DPP10: variants seen among roughly 807,000 people sequenced by gnomAD.
DPP10 encodes inactive dipeptidyl peptidase 10.
A neutral mutation model predicts 120.9 loss-of-function variants in DPP10; 33 were observed. That is an observed-to-expected ratio of 0.27 (90% confidence interval 0.21 to 0.37). The LOEUF (loss-of-function observed/expected upper bound fraction) is 0.37. DPP10 is among the 10% of genes least tolerant of loss of function. The probability of loss-of-function intolerance (pLI) is 1.00; values close to 1 mark genes in which losing one functional copy is unlikely to be tolerated. For missense variants in DPP10, 816 were observed against 942.8 expected (o/e 0.87, Z 1.76); for synonymous variants, 337 against 326.1 (o/e 1.03, Z -0.36).
At chr2:115,589,377 A>G (rs895898550) in intron 5 of DPP10, among the ~76,000 whole-genome samples, 1 of 152,230 alleles carries the variant, frequency 6.6e-6, no homozygotes, top group African/African-American at 2.4e-5. Flanking sequence ...AGTTAAGTTC[A>G]TGTTTACCCA....
chr2:114,450,079 G>T (rs1452310868), intron 1 of DPP10, among the ~76,000 whole-genome samples: 1 of 152,096 alleles, frequency 6.6e-6, no homozygotes, highest in African/African-American at 2.4e-5. Flanking sequence ...TAGCTGCATT[G>T]ATGGTACATA....
At chr2:115,425,566 A>G (rs930891530) in intron 3 of DPP10, among the ~76,000 whole-genome samples, 6 of 152,200 alleles carry the variant, frequency 3.9e-5, no homozygotes, top group African/African-American at 1.2e-4. Flanking sequence ...AAACTAAAAA[A>G]TTAGGTAACT....
In DPP10 at chr2:114,732,245, C is replaced by T. The variant is rs80131828; in HGVS notation, c.60+289407C>T. Among the ~76,000 whole-genome samples, 749 of 152,246 alleles carry T rather than the reference C, an allele frequency of 4.9e-3. 4 individuals are homozygous for T. The highest frequency in any genetic ancestry group is 0.01 in the Middle Eastern group (3 of 294). ...TCTAGACCTCCTGAAGTTTACATTGCAGTTAAGAAAACAGGAAACTGGACA... is the reference window on the plus strand; with the variant it reads ...TCTAGACCTCCTGAAGTTTACATTGTAGTTAAGAAAACAGGAAACTGGACA... On this transcript the variant is annotated intron_variant, in intron 1 of 25. Transcript: ENST00000410059.
intron 3 of DPP10, among the ~76,000 whole-genome samples, chr2:115,423,213 G>C (rs1170050076): frequency 6.6e-6 from 1 of 151,824 alleles, no homozygotes. Context: ...ATATAAGAAT[G>C]ACCCATGATT....
intron 1 of DPP10, among the ~76,000 whole-genome samples, chr2:114,833,055 A>G (rs907677715): frequency 1.3e-5 from 2 of 152,120 alleles, no homozygotes; most frequent in African/African-American, 2.4e-5. Context: ...TTGTGAAACT[A>G]AAAAAGAAAT....
rs190249089 is a variant in DPP10 at position 115,363,509 on chromosome 2, G to A, written c.271+19597G>A. On this transcript the variant is annotated intron_variant, in intron 3 of 25. Transcript: ENST00000410059. ...AGAGAAGGAACATATCTGTGAATCA[G>A]TGTACAGTACCTGAAATGGGAAGGT... Among the ~76,000 whole-genome samples the A allele has an allele frequency of 3.7e-3, 558 of 152,288 alleles. 4 individuals are homozygous for A. Among genetic ancestry groups the A allele is most frequent in the African/African-American group, 0.012 (495 of 41,568 alleles).
chr2:114,452,560 G>C (rs184170495), intron 1 of DPP10, among the ~76,000 whole-genome samples: 3 of 152,040 alleles, frequency 2.0e-5, no homozygotes, highest in Non-Finnish European at 2.9e-5. Flanking sequence ...TTGTCCATTC[G>C]CTCCTTTAAA....
intron 10 of DPP10, among the ~76,000 whole-genome samples, 155 bp downstream of exon 10, chr2:115,746,338 G>A (rs563813284): frequency 9.9e-5 from 15 of 152,160 alleles, no homozygotes; most frequent in African/African-American, 3.1e-4. Flanking sequence ...AGTCATTCTC[G>A]GTCTCTGGCT....
intron 1 of DPP10, among the ~76,000 whole-genome samples, chr2:115,244,204 A>G (rs1052081636): frequency 1.2e-4 from 17 of 144,424 alleles, no homozygotes; most frequent in Middle Eastern, 3.5e-3. Context: ...GTCTATATAT[A>G]TATATGTGTG....
chr2:115,207,101 T>A (rs2056186459), intron 1 of DPP10, among the ~76,000 whole-genome samples: 1 of 152,214 alleles, frequency 6.6e-6, no homozygotes, highest in South Asian at 2.1e-4. Context: ...CTTTGTGTAA[T>A]TTTAACTAGA....
intron 1 of DPP10, among the ~76,000 whole-genome samples, chr2:115,005,385 G>A (rs1208010516): frequency 6.6e-6 from 1 of 152,162 alleles, no homozygotes; most frequent in Non-Finnish European, 1.5e-5. Flanking sequence ...TTGACGAGCT[G>A]AGAGAAGAAG....
intron 1 of DPP10, among the ~76,000 whole-genome samples, chr2:115,026,737 A>G (rs995840531): frequency 1.3e-5 from 2 of 151,952 alleles, no homozygotes; most frequent in African/African-American, 4.8e-5. Flanking sequence ...GGGTTTTATC[A>G]TGTTGGCCAG....
At chr2:115,106,747 CA>C (rs1344805702) in intron 1 of DPP10, among the ~76,000 whole-genome samples, 2 of 152,126 alleles carry the variant, frequency 1.3e-5, no homozygotes, top group African/African-American at 4.8e-5. Flanking sequence ...AGGCCTGAGC[CA>C]CTGCACCCAG....
chr2:114,606,280 CT>C (rs1692797014), intron 1 of DPP10, among the ~76,000 whole-genome samples: 1 of 152,040 alleles, frequency 6.6e-6, no homozygotes, highest in Admixed American at 6.6e-5. Context: ...ATTTTATGGG[CT>C]TGATCACTAG....
chr2:114,451,828 A>C (rs1430092), intron 1 of DPP10, among the ~76,000 whole-genome samples: 1 of 152,014 alleles, frequency 6.6e-6, no homozygotes, highest in South Asian at 2.1e-4. Context: ...TTGTGTCTTC[A>C]AGTAAAATAT....
intron 1 of DPP10, among the ~76,000 whole-genome samples, chr2:114,785,689 A>G (rs1682707131): frequency 6.6e-6 from 1 of 152,232 alleles, no homozygotes; most frequent in Non-Finnish European, 1.5e-5. Flanking sequence ...TGGGAGTTTA[A>G]CAATGAATAT....
At chr2:115,194,441 T>C (rs887345155) in intron 1 of DPP10, among the ~76,000 whole-genome samples, 4 of 152,174 alleles carry the variant, frequency 2.6e-5, no homozygotes, top group African/African-American at 9.6e-5. Context: ...GGATTTTTGA[T>C]AGGAAGGCTA....
chr2:114,802,959 T>A (rs1352788780), intron 1 of DPP10, among the ~76,000 whole-genome samples: 1 of 152,202 alleles, frequency 6.6e-6, no homozygotes, highest in East Asian at 1.9e-4. Context: ...TCCCCTGGAT[T>A]TTTTTCAGGA....
At chr2:115,067,213 G>T (rs1706925488) in intron 1 of DPP10, among the ~76,000 whole-genome samples, 1 of 151,994 alleles carries the variant, frequency 6.6e-6, no homozygotes, top group African/African-American at 2.4e-5. Context: ...GGTCATCCAT[G>T]TTGTTGCAAA....
Sources: gnomAD v4.1 joint callset for allele counts (sites outside exome capture counted in the v4.1 genomes callset) on GRCh38, gnomAD v4.1.1 for gene constraint, MANE v1.5 for transcripts, NCBI Gene and HGNC (gene_info 2026-07-23, HGNC 2026-07-21) for gene names.